BDKRB2: variants seen among roughly 807,000 people sequenced by gnomAD.
BDKRB2 encodes the protein bradykinin receptor B2.
In BDKRB2, 6 loss-of-function variants were observed where a neutral mutation model predicts 4.0. The ratio of observed to expected loss-of-function variants is 1.49; its 90% CI spans 0.81 to 2.93. BDKRB2 has a LOEUF of 2.93. Among genes scored for constraint, BDKRB2 ranks in the 30% most tolerant of loss-of-function variants. The probability of loss-of-function intolerance (pLI) is 0.00; values close to 1 mark genes in which losing one functional copy is unlikely to be tolerated. For synonymous variants in BDKRB2, 225 were observed against 215.3 expected (o/e 1.05, Z -0.40); for missense variants, 478 against 520.1 (o/e 0.92, Z 0.79).
At chr14:96,207,831 C>T (rs1890224750) in intron 1 of BDKRB2, among the ~76,000 whole-genome samples, 2 of 152,058 alleles carry the variant, frequency 1.3e-5, no homozygotes, top group Admixed American at 6.5e-5. Context: ...TCAGAAGGCA[C>T]TTAGGACAAT....
At chr14:96,230,971 G>A (rs1315425064) in intron 1 of BDKRB2, among the ~76,000 whole-genome samples, 1 of 151,862 alleles carries the variant, frequency 6.6e-6, no homozygotes, top group East Asian at 1.9e-4. Context: ...TTTTTTTAAG[G>A]GGAATGAGTG....
At chr14:96,212,898 G>T (rs555007097) in intron 1 of BDKRB2, among the ~76,000 whole-genome samples, 1 of 152,272 alleles carries the variant, frequency 6.6e-6, no homozygotes, top group South Asian at 2.1e-4. Flanking sequence ...CCCCTGCCTG[G>T]GATTCTACCA....
intron 1 of BDKRB2, among the ~76,000 whole-genome samples, chr14:96,227,608 T>C (rs1024196060): frequency 1.3e-5 from 2 of 151,600 alleles, no homozygotes; most frequent in Admixed American, 6.6e-5. Context: ...AACACATGCA[T>C]GCACACACAA....
In BDKRB2 at chr14:96,217,801, T is replaced by A. The variant is rs559631506; in HGVS notation, c.-40+12842T>A. ...GGCTCTAAGGAGGCGGCCCTATAACTGCTGGATGACCAAAAATCAGGCAGC... is the reference window on the plus strand; with the variant it reads ...GGCTCTAAGGAGGCGGCCCTATAACAGCTGGATGACCAAAAATCAGGCAGC... On this transcript the variant is annotated intron_variant, in intron 1 of 2. Transcript: ENST00000554311. Among the ~76,000 whole-genome samples the A allele has an allele frequency of 5.9e-5, 9 of 152,268 alleles. No homozygotes were observed. The South Asian group carries it at 1.9e-3, about 32-fold the overall frequency.
chr14:96,220,132 G>C (rs187264325), intron 1 of BDKRB2, among the ~76,000 whole-genome samples: 1 of 152,088 alleles, frequency 6.6e-6, no homozygotes, highest in African/African-American at 2.4e-5. Context: ...GTCAGCCCAG[G>C]GAAGCGCACC....
intron 2 of BDKRB2, chr14:96,238,057 C>G (rs1595264500): frequency 9.2e-7 from 1 of 1,090,046 alleles, no homozygotes; most frequent in Middle Eastern, 4.4e-4. Context: ...CTTCAGAGGA[C>G]TCTGGAAAGG....
chr14:96,215,635 T>G (rs1446639564), intron 1 of BDKRB2, among the ~76,000 whole-genome samples: 1 of 152,206 alleles, frequency 6.6e-6, no homozygotes, highest in Non-Finnish European at 1.5e-5. Flanking sequence ...TCTCACAGTC[T>G]GTAAGTGGCT....
At chr14:96,228,358 G>C (rs1295465049) in intron 1 of BDKRB2, among the ~76,000 whole-genome samples, 1 of 152,088 alleles carries the variant, frequency 6.6e-6, no homozygotes, top group Non-Finnish European at 1.5e-5. Flanking sequence ...CTGCCCTCTT[G>C]GTACCTGGGT....
intron 1 of BDKRB2, 21 bp from the exon 2 acceptor site, chr14:96,237,048 C>G (rs1309645058): frequency 7.0e-7 from 1 of 1,422,446 alleles, no homozygotes; most frequent in South Asian, 1.1e-5. Context: ...GCCATCTAAC[C>G]ATCTTTTCTT....
intron 1 of BDKRB2, among the ~76,000 whole-genome samples, chr14:96,213,472 G>A (rs1186492375): frequency 6.7e-6 from 1 of 149,064 alleles, no homozygotes; most frequent in Non-Finnish European, 1.5e-5. Flanking sequence ...TCTTCTTCCT[G>A]GGCCTCTGTC....
chr14:96,218,099 A>C (rs578082304), intron 1 of BDKRB2, among the ~76,000 whole-genome samples: 29 of 152,124 alleles, frequency 1.9e-4, no homozygotes, highest in African/African-American at 6.8e-4. Flanking sequence ...GTGCAAACCC[A>C]CCATGGCATG....
In BDKRB2 at chr14:96,204,916, A is replaced by G. The variant is rs915634503; in HGVS notation, c.-83A>G. On this transcript the variant is annotated 5_prime_UTR_variant, in exon 1 of 3. Transcript: ENST00000554311. ...TGGGGACATCAGGCTGCCCCGCAGT[A>G]CCAGGGAGCGACTGAAGTGCCCATG... 2 of 304,378 alleles carry G rather than the reference A, an allele frequency of 6.6e-6. No homozygotes were observed. Among genetic ancestry groups the G allele is most frequent in the Non-Finnish European group, 6.7e-6 (1 of 149,258 alleles). The allele number at this position is 304,378 out of a possible 1,614,324, so 18.9% of individuals were successfully genotyped here.
At chr14:96,218,994 T>C (rs1890491612) in intron 1 of BDKRB2, among the ~76,000 whole-genome samples, 1 of 151,606 alleles carries the variant, frequency 6.6e-6, no homozygotes, top group African/African-American at 2.4e-5. Flanking sequence ...AGTTAATATC[T>C]GTGAAGTGCT....
At chr14:96,218,530 A>G (rs1455911871) in intron 1 of BDKRB2, among the ~76,000 whole-genome samples, 4 of 152,140 alleles carry the variant, frequency 2.6e-5, no homozygotes, top group Non-Finnish European at 5.9e-5. Context: ...AGGGAAGCCC[A>G]AGGACATGAG....
At chr14:96,231,999 C>T (rs1461677836) in intron 1 of BDKRB2, among the ~76,000 whole-genome samples, 1 of 152,154 alleles carries the variant, frequency 6.6e-6, no homozygotes, top group Non-Finnish European at 1.5e-5. Context: ...CAGCAAAATC[C>T]CCCATCTCTC....
chr14:96,240,320 T>C lies in BDKRB2; in HGVS notation c.75-83T>C, dbSNP rs567490944. On this transcript the variant is annotated intron_variant, in intron 2 of 2. Transcript: ENST00000554311. ...TCTCCTTGCCCTGGCTGGTTGTCCT[T>C]AACCCCTGTCTCCTTCTGGACCAGT... 9 of 1,378,338 alleles carry C rather than the reference T, an allele frequency of 6.5e-6. No homozygotes were observed. The East Asian group carries it at 1.8e-4, about 28-fold the overall frequency. 85.4% of individuals were successfully genotyped at this position (1,378,338 alleles called of 1,614,324 possible). A position where few individuals can be genotyped will look rare whatever the true frequency, so the allele number is the denominator to read the frequency against.
chr14:96,230,030 A>C (rs548182327), intron 1 of BDKRB2, among the ~76,000 whole-genome samples: 87 of 151,882 alleles, frequency 5.7e-4, no homozygotes, highest in African/African-American at 2.0e-3. Flanking sequence ...ACTACTCGGG[A>C]GGCTGAGGCA....
intron 1 of BDKRB2, among the ~76,000 whole-genome samples, chr14:96,209,069 A>T (rs1210629788): frequency 6.6e-6 from 1 of 152,228 alleles, no homozygotes; most frequent in Non-Finnish European, 1.5e-5. Flanking sequence ...CTCCAGTGGC[A>T]GGGTGGTCTG....
intron 1 of BDKRB2, among the ~76,000 whole-genome samples, chr14:96,220,442 C>T (rs539965840): frequency 6.6e-6 from 1 of 152,080 alleles, no homozygotes; most frequent in East Asian, 1.9e-4. Context: ...TTACAAAAAG[C>T]AAAAATACAA....
Sources: gnomAD v4.1 joint callset for allele counts (sites outside exome capture counted in the v4.1 genomes callset) on GRCh38, gnomAD v4.1.1 for gene constraint, MANE v1.5 for transcripts, NCBI Gene and HGNC (gene_info 2026-07-23, HGNC 2026-07-21) for gene names.